Variants in PAH observed in about 807,000 individuals in gnomAD.
The protein encoded by PAH is phenylalanine hydroxylase.
A neutral mutation model predicts 62.0 loss-of-function variants in PAH; 64 were observed. The ratio of observed to expected loss-of-function variants is 1.03; its 90% CI spans 0.84 to 1.27. The LOEUF (loss-of-function observed/expected upper bound fraction) is 1.27. Among genes scored for constraint, PAH ranks in the 50% most tolerant of loss-of-function variants. The probability of loss-of-function intolerance (pLI) is 0.00; values close to 1 mark genes in which losing one functional copy is unlikely to be tolerated. For synonymous variants in PAH, 195 were observed against 196.2 expected, an observed-to-expected ratio of 0.99 and a Z score of 0.05; for missense variants, 579 against 542.8, an observed-to-expected ratio of 1.07 and a Z score of -0.66.
At chr12:102,936,674 T>C (rs1419460482) in intron 1 of PAH, among the ~76,000 whole-genome samples, 1 of 152,246 alleles carries the variant, frequency 6.6e-6, no homozygotes, top group Non-Finnish European at 1.5e-5. Context: ...TCTGGAAATA[T>C]ATTTTGTCTA....
At chr12:102,904,389 T>C (rs916034292) in intron 2 of PAH, among the ~76,000 whole-genome samples, 2 of 152,172 alleles carry the variant, frequency 1.3e-5, no homozygotes, top group African/African-American at 4.8e-5. Flanking sequence ...GCCTGGAAGA[T>C]ATTAAGAGAT....
At chr12:102,890,413 AC>A (rs1347919231) in intron 3 of PAH, among the ~76,000 whole-genome samples, 1 of 152,148 alleles carries the variant, frequency 6.6e-6, no homozygotes, top group African/African-American at 2.4e-5. Context: ...CTTAAGAAAA[AC>A]CTGTTTCTTG....
chr12:102,875,051 C>T (rs1198971756), intron 4 of PAH, among the ~76,000 whole-genome samples: 5 of 152,158 alleles, frequency 3.3e-5, no homozygotes, highest in Non-Finnish European at 7.4e-5. Context: ...CCTGTGGGCC[C>T]CGGGGTCTCT....
intron 1 of PAH, among the ~76,000 whole-genome samples, chr12:102,927,515 C>T (rs79336640): frequency 0.15 from 23,200 of 151,914 alleles, 2,391 homozygotes; most frequent in African/African-American, 0.27. Flanking sequence ...GTGTTCAATG[C>T]TTACTAGTAT....
chr12:102,889,533 CGGATAGATAGAT>C (rs1877189054), intron 3 of PAH, among the ~76,000 whole-genome samples: 1 of 113,846 alleles, frequency 8.8e-6, no homozygotes, highest in Admixed American at 1.0e-4. Context: ...GATAGATAGA[CGGATAGATAGAT>C]AGACAGATAG....
chr12:102,896,953 C>T (rs536461997), intron 2 of PAH, among the ~76,000 whole-genome samples: 3 of 152,232 alleles, frequency 2.0e-5, no homozygotes, highest in African/African-American at 7.2e-5. Context: ...CCTGATGATC[C>T]GCAGCACAGA....
intron 2 of PAH, among the ~76,000 whole-genome samples, chr12:102,899,683 C>G (rs1877658775): frequency 6.7e-6 from 1 of 150,144 alleles, no homozygotes; most frequent in South Asian, 2.1e-4. Context: ...AACGGTGAAA[C>G]CCCGTCTCTA....
intron 1 of PAH, among the ~76,000 whole-genome samples, chr12:102,956,887 T>C (rs987093364): frequency 9.9e-5 from 15 of 151,946 alleles, no homozygotes; most frequent in Non-Finnish European, 1.9e-4. Context: ...TCCTAGTTTT[T>C]AGAGCTGAAT....
At chr12:102,922,904 G>GA (rs918581221) in intron 1 of PAH, among the ~76,000 whole-genome samples, 13 of 151,874 alleles carry the variant, frequency 8.6e-5, no homozygotes, top group Admixed American at 7.2e-4. Flanking sequence ...TAATTACACA[G>GA]AAAAAAAACC....
chr12:102,939,777 A>T (rs547375160), intron 1 of PAH, among the ~76,000 whole-genome samples: 12 of 152,326 alleles, frequency 7.9e-5, no homozygotes, highest in Admixed American at 3.3e-4. Flanking sequence ...GGTACAAGCG[A>T]CAGGCCTTAT....
intron 2 of PAH, among the ~76,000 whole-genome samples, chr12:102,902,391 G>T (rs1384548957): frequency 6.6e-6 from 1 of 152,234 alleles, no homozygotes; most frequent in Non-Finnish European, 1.5e-5. Context: ...TTAGGCAGAA[G>T]AGAGGTATCA....
At chr12:102,848,283 G>A (rs111668930) in intron 8 of PAH, among the ~76,000 whole-genome samples, 47 of 141,204 alleles carry the variant, frequency 3.3e-4, no homozygotes, top group African/African-American at 1.4e-3. Flanking sequence ...CCAGGAGACT[G>A]GAGAGGTTAA....
Position 102,839,188 on chromosome 12 carries a change from T to C in PAH, c.1346A>G (p.Gln449Arg), listed in dbSNP as rs1441742009. The change falls in exon 13 of 13, where the codon CAG becomes CGG. Residue 449 changes from glutamine (Q) to arginine (R), a missense_variant. Transcript: ENST00000553106. ...SEIGILCSAL[Q>R]KIK ...CTGTCCATGGCTTTACTTTATTTTC[T>C]GGAGGGCACTGCAAAGGATTCCAAT... 6.2e-7 allele frequency: 1 copy of C among 1,613,900 alleles called. No individual in the cohort carries two copies. Among genetic ancestry groups the C allele is most frequent in the South Asian group, 1.1e-5 (1 of 91,078 alleles).
chr12:102,851,630 T>C (rs576564915), intron 8 of PAH, 57 bp downstream of exon 8: 4 of 1,445,970 alleles, frequency 2.8e-6, no homozygotes, highest in Non-Finnish European at 3.9e-6. Flanking sequence ...GCTCAACTCA[T>C]TTGAGAAATT....
chr12:102,885,689 G>C (rs1263416959), intron 3 of PAH, among the ~76,000 whole-genome samples: 4 of 152,270 alleles, frequency 2.6e-5, no homozygotes, highest in Non-Finnish European at 5.9e-5. Context: ...GACCCCCCAG[G>C]CCTGGCCAGA....
intron 1 of PAH, among the ~76,000 whole-genome samples, chr12:102,933,767 T>G (rs542099844): frequency 6.6e-6 from 1 of 152,266 alleles, no homozygotes; most frequent in South Asian, 2.1e-4. Flanking sequence ...TTATTCAGAT[T>G]TTTTTGCCCA....
At chr12:102,958,406 G>GCAA (rs1880007696), upstream of PAH, 1 of 1,514,950 alleles carries the variant, frequency 6.6e-7, no homozygotes, top group Admixed American at 2.0e-5. Flanking sequence ...AGCAGCAGCA[G>GCAA]CAGCAGCAGC....
chr12:102,919,905 C>T (rs957520326), upstream of PAH, among the ~76,000 whole-genome samples: 9 of 152,106 alleles, frequency 5.9e-5, no homozygotes, highest in Non-Finnish European at 5.9e-5. Context: ...CTGCAACAAA[C>T]ATAAAAGAAC....
rs756613907 is a variant in PAH at position 102,855,346 on chromosome 12, A to G, written c.510-14T>C. The G allele has an allele frequency of 6.2e-7, 1 of 1,612,866 alleles. No individual in the cohort carries two copies. Among genetic ancestry groups the G allele is most frequent in the East Asian group, 2.2e-5 (1 of 44,856 alleles). On this transcript the variant is annotated splice_polypyrimidine_tract_variant and intron_variant, in intron 5 of 12. Coordinates refer to ENST00000553106, the MANE Select transcript of PAH (RefSeq NM_000277.3). ...ATGGGCTGCCCACTAGAATACAGGCACAAAATAGGTGTCTCAAGCAGGGCA... is the reference window on the plus strand; with the variant it reads ...ATGGGCTGCCCACTAGAATACAGGCGCAAAATAGGTGTCTCAAGCAGGGCA...
Sources: gnomAD v4.1 joint callset for allele counts (sites outside exome capture counted in the v4.1 genomes callset) on GRCh38, gnomAD v4.1.1 for gene constraint, MANE v1.5 for transcripts, NCBI Gene and HGNC (gene_info 2026-07-23, HGNC 2026-07-21) for gene names.